Variants in AVIL observed in about 807,000 individuals in gnomAD.
The protein encoded by AVIL is advillin.
Under a neutral mutation model 109.9 loss-of-function variants are expected in AVIL, and 78 were observed. That is an observed-to-expected ratio of 0.71 (90% CI 0.59 to 0.86). AVIL has a LOEUF of 0.86. AVIL is among the 40% of genes least tolerant of loss of function. The pLI is 0.00. For synonymous variants in AVIL, 367 were observed against 379.1 expected, an observed-to-expected ratio of 0.97 and a Z score of 0.37; for missense variants, 892 against 1,016.5, an observed-to-expected ratio of 0.88 and a Z score of 1.67.
chr12:57,812,248 G>C (rs1956047413), intron 4 of AVIL, among the ~76,000 whole-genome samples: 1 of 152,186 alleles, frequency 6.6e-6, no homozygotes, highest in Non-Finnish European at 1.5e-5. Flanking sequence ...TGCCTAGGCT[G>C]ATCTTGAACT....
At chr12:57,816,202 G>A in intron 1 of AVIL, 143 bp from the exon 2 acceptor site, 1 of 660,394 alleles carries the variant, frequency 1.5e-6, no homozygotes, top group Non-Finnish European at 2.5e-6. Context: ...ATTTCACAAT[G>A]ATGGGGGCAA....
rs1955811052 is a variant in AVIL at position 57,799,853 on chromosome 12, A to C, written c.2288T>G (p.Val763Gly). 1.9e-6 allele frequency: 3 copies of C among 1,614,008 alleles called. No homozygotes were observed. The highest frequency in any genetic ancestry group is 2.5e-6 in the Non-Finnish European group (3 of 1,180,028). ...CTCCTGATTCTGGTTTTTCAACAGA[A>C]CTGCTATAGGGTAATATTTTGGCTC... is the stretch of plus-strand genomic sequence containing the variant. ...DSEPKYYPIA[V>G]LLKNQNQELP... The change falls in exon 19 of 20, where the codon GTT becomes GGT. Residue 763 changes from valine (V) to glycine (G), a missense_variant. Transcript: ENST00000549994.
chr12:57,810,582 T>G, intron 6 of AVIL, 31 bp from the exon 7 acceptor site: 2 of 1,609,662 alleles, frequency 1.2e-6, no homozygotes, highest in Non-Finnish European at 8.5e-7. Context: ...AGCCCTCAGC[T>G]CCTCTGGGAC....
chr12:57,817,710 C>A (rs1956114838), intron 1 of AVIL, among the ~76,000 whole-genome samples: 1 of 152,172 alleles, frequency 6.6e-6, no homozygotes, highest in Admixed American at 6.5e-5. Context: ...GAGGCTGAAA[C>A]CTGTCCCGTT....
chr12:57,813,549 G>GCTCCCACATCCAC, intron 3 of AVIL, 126 bp from the exon 4 acceptor site: 1 of 929,144 alleles, frequency 1.1e-6, no homozygotes, highest in Non-Finnish European at 1.6e-6. Context: ...CTCTCCTGCA[G>GCTCCCACATCCAC]TGGATGTGGG....
chr12:57,810,625 C>A, intron 6 of AVIL, 74 bp from the exon 7 acceptor site: 2 of 1,546,144 alleles, frequency 1.3e-6, no homozygotes, highest in Non-Finnish European at 8.8e-7. Context: ...GGGAGAACAG[C>A]CTAGATCCCA....
Position 57,808,308 on chromosome 12 carries a change from G to T in AVIL, c.1094-14C>A. On this transcript the variant is annotated splice_polypyrimidine_tract_variant and intron_variant, in intron 10 of 19. Coordinates refer to ENST00000549994, the MANE Select transcript of AVIL (RefSeq NM_006576.4). ...GGAAAACTTTAGCTGTGGAGAAAGG[G>T]TTGGGAAAAGCCGAGTGAGTAAGAA... 6.2e-7 allele frequency: 1 copy of T among 1,614,162 alleles called. No individual in the cohort carries two copies. The highest frequency in any genetic ancestry group is 8.5e-7 in the Non-Finnish European group (1 of 1,179,984).
At chr12:57,800,190 G>T in intron 18 of AVIL, 1 of 328,886 alleles carries the variant, frequency 3.0e-6, no homozygotes, top group Non-Finnish European at 5.7e-6. Flanking sequence ...CTTGTGTCTG[G>T]ATCTCATTTG....
intron 6 of AVIL, 46 bp downstream of exon 6, chr12:57,810,770 A>G: frequency 1.3e-6 from 2 of 1,577,648 alleles, no homozygotes; most frequent in Non-Finnish European, 1.7e-6. Flanking sequence ...CATGGAGGGA[A>G]GAAGAAAGAG....
intron 19 of AVIL, 51 bp from the exon 20 acceptor site, chr12:57,798,046 C>A: frequency 2.1e-6 from 3 of 1,401,414 alleles, no homozygotes; most frequent in Non-Finnish European, 2.9e-6. Flanking sequence ...GACATCATTG[C>A]CAACAGAAGT....
Position 57,797,876 on chromosome 12 carries a change from C to A in AVIL, c.*6G>T. 1.2e-6 allele frequency: 2 copies of A among 1,607,564 alleles called. No homozygotes were observed. Among genetic ancestry groups the A allele is most frequent in the Non-Finnish European group, 8.5e-7 (1 of 1,176,524 alleles). On this transcript the variant is annotated 3_prime_UTR_variant, in exon 20 of 20. Coordinates refer to ENST00000549994, the MANE Select transcript of AVIL (RefSeq NM_006576.4). ...TGGCCTTGCAATAGGTATAGGCCTT[C>A]TTGCTTTAGAAAAGCCCCTTTTCTT... is the stretch of plus-strand genomic sequence containing the variant.
At position 57,813,238 on chromosome 12, in the gene AVIL, C is replaced by T. The variant is rs1274165776; in HGVS notation, c.327G>A (p.Lys109=). The change falls in exon 4 of 20, where the codon AAG becomes AAA. Residue 109 remains lysine (K), a synonymous_variant. Transcript: ENST00000549994. ...HESDTFRGYF[K]QGIIYKQGGV... ...GCACCCCTACTCACATGATGCCCTG[C>T]TTGAAGTAGCCACGGAAAGTGTCTG... is the stretch of plus-strand genomic sequence containing the variant. The T allele has an allele frequency of 1.2e-6, 2 of 1,612,638 alleles. No homozygotes were observed. The highest frequency in any genetic ancestry group is 1.7e-6 in the Non-Finnish European group (2 of 1,179,078).
intron 9 of AVIL, 87 bp downstream of exon 9, chr12:57,809,510 A>C: frequency 1.4e-6 from 2 of 1,468,886 alleles, no homozygotes; most frequent in Non-Finnish European, 1.9e-6. Flanking sequence ...TATATGCTCA[A>C]ATACCTAGCA....
chr12:57,803,495 C>T (rs377130528), intron 15 of AVIL, 29 bp downstream of exon 15: 47 of 1,613,812 alleles, frequency 2.9e-5, no homozygotes, highest in Non-Finnish European at 4.0e-5. Context: ...AGGGGGAGCC[C>T]AGAAGAGGGG....
In AVIL at chr12:57,810,885, G is replaced by A. The variant is rs915834350; in HGVS notation, c.489C>T (p.Phe163=). 1.2e-6 allele frequency: 2 copies of A among 1,614,164 alleles called. No homozygotes were observed. Among genetic ancestry groups the A allele is most frequent in the Middle Eastern group, 1.6e-4 (1 of 6,062 alleles). ...SWDSFNRGDV[F]LLDLGKVIIQ... ...TGATGACTTTCCCAAGGTCCAGCAAGAAGACATCACCTCGGTTGAAACTGT... is the reference window on the plus strand; with the variant it reads ...TGATGACTTTCCCAAGGTCCAGCAAAAAGACATCACCTCGGTTGAAACTGT... The change falls in exon 6 of 20, where the codon TTC becomes TTT. Residue 163 remains phenylalanine, a synonymous_variant. Coordinates refer to ENST00000549994, the MANE Select transcript of AVIL (RefSeq NM_006576.4).
intron 16 of AVIL, 104 bp from the exon 17 acceptor site, chr12:57,802,452 C>G: frequency 7.3e-7 from 1 of 1,361,590 alleles, no homozygotes; most frequent in Non-Finnish European, 1.0e-6. Flanking sequence ...GTGAGCAATT[C>G]ACAGCCTCAG....
At position 57,818,182 on chromosome 12, in the gene AVIL, C is replaced by CTTTTTTTTTTTTTTTTTT. The variant is rs66731427; in HGVS notation, c.-20+429_-20+446dup. Among the ~76,000 whole-genome samples the CTTTTTTTTTTTTTTTTTT allele has an allele frequency of 1.2e-3, 43 of 35,272 alleles. 15 individuals carry two copies. The highest frequency in any genetic ancestry group is 0.011 in the East Asian group (6 of 560). 23.1% of individuals were successfully genotyped at this position (35,272 alleles called of 152,430 possible). A position where few individuals can be genotyped will look rare whatever the true frequency, so the allele number is the denominator to read the frequency against. On this transcript the variant is annotated intron_variant, in intron 1 of 19. Coordinates refer to ENST00000549994, the MANE Select transcript of AVIL (RefSeq NM_006576.4). ...CACAGGTGTGCACCACCATGCTTGG[C>CTTTTTTTTTTTTTTTTTT]TTTTTTTTTTTTTTTTTTTTTTTTT...
chr12:57,802,130 A>C (rs1228804342), intron 17 of AVIL, 30 bp downstream of exon 17: 1 of 1,610,248 alleles, frequency 6.2e-7, no homozygotes, highest in South Asian at 1.1e-5. Flanking sequence ...CCTGGCAGGA[A>C]GTTAGAGCTT....
chr12:57,808,754 A>C (rs1315481689), intron 9 of AVIL: 1 of 596,776 alleles, frequency 1.7e-6, no homozygotes, highest in East Asian at 2.9e-5. Flanking sequence ...GGATCTGTTT[A>C]TTGGCTTGCG....
Sources: gnomAD v4.1 joint callset for allele counts (sites outside exome capture counted in the v4.1 genomes callset) on GRCh38, gnomAD v4.1.1 for gene constraint, MANE v1.5 for transcripts, NCBI Gene and HGNC (gene_info 2026-07-23, HGNC 2026-07-21) for gene names.